Variants in USPL1 observed in about 807,000 individuals in gnomAD.
The protein encoded by USPL1 is ubiquitin specific peptidase like 1, also known as SUMO-specific isopeptidase USPL1.
In USPL1, 27 loss-of-function variants were observed where a neutral mutation model predicts 51.5. That is an observed-to-expected ratio of 0.52 (90% CI 0.39 to 0.72). USPL1 has a LOEUF of 0.72. USPL1 is among the 30% of genes least tolerant of loss of function. The probability of loss-of-function intolerance (pLI) is 0.00; values close to 1 mark genes in which losing one functional copy is unlikely to be tolerated. For missense variants in USPL1, 1,226 were observed against 1,268.0 expected, an observed-to-expected ratio of 0.97 and a Z score of 0.50; for synonymous variants, 451 against 459.6, an observed-to-expected ratio of 0.98 and a Z score of 0.24.
chr13:30,650,960 A>G (rs1382567927), intron 7 of USPL1, among the ~76,000 whole-genome samples: 6 of 151,918 alleles, frequency 3.9e-5, no homozygotes, highest in Admixed American at 3.9e-4. Context: ...CTGCACTCCA[A>G]CTTGGACAAC....
At chr13:30,628,032 A>G (rs1950746264) in intron 3 of USPL1, among the ~76,000 whole-genome samples, 1 of 141,526 alleles carries the variant, frequency 7.1e-6, no homozygotes, top group African/African-American at 2.7e-5. Flanking sequence ...GTGCACCACC[A>G]TGCCTGGCTA....
chr13:30,621,950 T>G, intron 3 of USPL1, 58 bp downstream of exon 3: 2 of 1,202,476 alleles, frequency 1.7e-6, no homozygotes, highest in African/African-American at 1.6e-5. Context: ...TTTGCTTTTT[T>G]ATTAATTGTT....
intron 4 of USPL1, among the ~76,000 whole-genome samples, 171 bp from the exon 5 acceptor site, chr13:30,637,573 T>C (rs912924661): frequency 6.6e-6 from 1 of 152,224 alleles, no homozygotes; most frequent in Non-Finnish European, 1.5e-5. Context: ...ATAGCATATA[T>C]TAAGGGAATA....
intron 5 of USPL1, 31 bp from the exon 6 acceptor site, chr13:30,642,597 T>C (rs1212610886): frequency 6.3e-7 from 1 of 1,591,788 alleles, no homozygotes; most frequent in Non-Finnish European, 8.5e-7. Context: ...TTATTGATTA[T>C]GAGCAGTAAT....
chr13:30,644,062 A>G (rs1463471346), intron 6 of USPL1, among the ~76,000 whole-genome samples: 2 of 151,812 alleles, frequency 1.3e-5, no homozygotes, highest in African/African-American at 4.8e-5. Context: ...AGGCGGGTGG[A>G]TCACGAGGTC....
chr13:30,636,440 T>C (rs1406335864), intron 4 of USPL1, among the ~76,000 whole-genome samples: 3 of 152,122 alleles, frequency 2.0e-5, no homozygotes, highest in African/African-American at 7.2e-5. Context: ...TAGGGAAACA[T>C]ATAAGCAGAG....
At chr13:30,623,898 T>C (rs915930796) in intron 3 of USPL1, among the ~76,000 whole-genome samples, 1 of 152,214 alleles carries the variant, frequency 6.6e-6, no homozygotes, top group Non-Finnish European at 1.5e-5. Context: ...GTCCCATACC[T>C]TGCCCTACTC....
chr13:30,642,554 C>T lies in USPL1; in HGVS notation c.983-74C>T, dbSNP rs1950961673. 11 of 1,543,820 alleles carry T rather than the reference C, an allele frequency of 7.1e-6. No homozygotes were observed. The East Asian group carries it at 2.0e-4, about 29-fold the overall frequency. Reference sequence around the variant, plus strand: ...ATGCTGTAAATATAGTAAGAAAAGACAATAGTTCACAATTTTGGTTTAGTT... The same window carrying T: ...ATGCTGTAAATATAGTAAGAAAAGATAATAGTTCACAATTTTGGTTTAGTT... On this transcript the variant is annotated intron_variant, in intron 5 of 8. Coordinates refer to ENST00000255304, the MANE Select transcript of USPL1 (RefSeq NM_005800.5).
chr13:30,644,206 C>T (rs887700347), intron 6 of USPL1, among the ~76,000 whole-genome samples: 19 of 151,886 alleles, frequency 1.3e-4, no homozygotes, highest in African/African-American at 3.9e-4. Flanking sequence ...TAACTTGAAA[C>T]CCGAAGGTGG....
intron 1 of USPL1, among the ~76,000 whole-genome samples, chr13:30,619,991 T>C (rs1270110125): frequency 6.6e-6 from 1 of 152,198 alleles, no homozygotes; most frequent in East Asian, 1.9e-4. Flanking sequence ...CAAACAATTA[T>C]TTGGTCAAAG....
intron 4 of USPL1, among the ~76,000 whole-genome samples, chr13:30,635,166 G>A (rs1950859099): frequency 6.6e-6 from 1 of 152,108 alleles, no homozygotes; most frequent in Admixed American, 6.6e-5. Flanking sequence ...TTGATTTATA[G>A]GGAAGTCTTT....
Position 30,635,344 on chromosome 13 carries a change from G to A in USPL1, c.869-2400G>A, listed in dbSNP as rs116601993. ...AATTCATATTGATGTGTGGTATGAG[G>A]TAAGGATCCATTTTTTTCCCATTTG... On this transcript the variant is annotated intron_variant, in intron 4 of 8. Coordinates refer to ENST00000255304, the MANE Select transcript of USPL1 (RefSeq NM_005800.5). Among the ~76,000 whole-genome samples the A allele has an allele frequency of 4.8e-3, 732 of 152,254 alleles. 11 individuals are homozygous for A. Among genetic ancestry groups the A allele is most frequent in the African/African-American group, 0.017 (709 of 41,530 alleles).
At chr13:30,633,804 A>T (rs1318098153) in intron 4 of USPL1, among the ~76,000 whole-genome samples, 2 of 151,532 alleles carry the variant, frequency 1.3e-5, no homozygotes, top group Non-Finnish European at 2.9e-5. Context: ...AAAAAAAAAA[A>T]AAAAGTAAAG....
rs1250616357 is a variant in USPL1, at chr13:30,657,905, A to G, written c.1828A>G (p.Asn610Asp). The change falls in exon 9 of 9, where the codon AAT becomes GAT. Residue 610 changes from asparagine to aspartate, a missense_variant. Coordinates refer to ENST00000255304, the MANE Select transcript of USPL1 (RefSeq NM_005800.5). Reference sequence around the variant, plus strand: ...AAATTCTGAAGCTTTCCTGTTAGAAAATAAACCTGTAGCAGAAAATACAGG... The same window carrying G: ...AAATTCTGAAGCTTTCCTGTTAGAAGATAAACCTGTAGCAGAAAATACAGG... Reference protein sequence around the residue: ...QLNSEAFLLENKPVAENTGIL... With the variant: ...QLNSEAFLLEDKPVAENTGIL... 3 of 1,613,902 alleles carry G rather than the reference A, an allele frequency of 1.9e-6. No homozygotes were observed. In the African/African-American group the frequency reaches 4.0e-5, roughly 22 times the overall value.
intron 1 of USPL1, among the ~76,000 whole-genome samples, chr13:30,618,757 G>A (rs1288804879): frequency 6.6e-6 from 1 of 152,174 alleles, no homozygotes; most frequent in East Asian, 1.9e-4. Flanking sequence ...TGCTGGGGGT[G>A]AAGTAGAGTT....
chr13:30,653,761 T>C (rs1951123019), intron 8 of USPL1, among the ~76,000 whole-genome samples: 1 of 152,256 alleles, frequency 6.6e-6, no homozygotes, highest in African/African-American at 2.4e-5. Context: ...AGTGGAAAGC[T>C]AAGTAAGCAC....
intron 3 of USPL1, among the ~76,000 whole-genome samples, chr13:30,627,542 G>A (rs982300623): frequency 6.7e-6 from 1 of 149,676 alleles, no homozygotes; most frequent in African/African-American, 2.5e-5. Context: ...TTTTTAATAT[G>A]CATTCCTTTG....
At chr13:30,639,611 G>A (rs552143290) in intron 5 of USPL1, among the ~76,000 whole-genome samples, 3 of 152,114 alleles carry the variant, frequency 2.0e-5, no homozygotes, top group African/African-American at 7.2e-5. Context: ...TAGTAAGACC[G>A]TTTTTAAGTG....
intron 7 of USPL1, among the ~76,000 whole-genome samples, chr13:30,650,080 A>G (rs1220926056): frequency 1.3e-5 from 2 of 152,128 alleles, no homozygotes; most frequent in Non-Finnish European, 2.9e-5. Flanking sequence ...TTGGTCTCGA[A>G]CTCCCGACCT....
Sources: gnomAD v4.1 joint callset for allele counts (sites outside exome capture counted in the v4.1 genomes callset) on GRCh38, gnomAD v4.1.1 for gene constraint, MANE v1.5 for transcripts, NCBI Gene and HGNC (gene_info 2026-07-23, HGNC 2026-07-21) for gene names.